MAOA: variants seen among roughly 807,000 people sequenced by gnomAD.
MAOA encodes monoamine oxidase A.
Under a neutral mutation model 42.0 loss-of-function variants are expected in MAOA, and 6 were observed. The ratio of observed to expected loss-of-function variants is 0.14; its 90% CI spans 0.08 to 0.28. The LOEUF (loss-of-function observed/expected upper bound fraction) is 0.28. Among genes scored for constraint, MAOA ranks in the 10% least tolerant of loss-of-function variants. MAOA has a pLI of 1.00. For missense variants in MAOA, 262 were observed against 422.3 expected (o/e 0.62, Z 3.33); for synonymous variants, 140 against 154.0 (o/e 0.91, Z 0.67).
At chrX:43,674,870 G>T (rs1452921678) in intron 1 of MAOA, among the ~76,000 whole-genome samples, 32 of 110,284 alleles carry the variant, frequency 2.9e-4, no homozygotes, top group African/African-American at 1.1e-3. Context: ...CTCTCTGGCT[G>T]CCCTTAACAT....
intron 5 of MAOA, among the ~76,000 whole-genome samples, chrX:43,722,429 T>A (rs189354802): frequency 8.8e-4 from 99 of 112,797 alleles, no homozygotes; most frequent in Admixed American, 2.6e-3. Context: ...TTTGCATTTC[T>A]CTAATGACCA....
intron 3 of MAOA, among the ~76,000 whole-genome samples, chrX:43,698,204 G>A (rs1179231132): frequency 1.8e-5 from 2 of 112,339 alleles, no homozygotes; most frequent in African/African-American, 6.5e-5. Context: ...AAACCTTAAA[G>A]AATGTTTAAA....
At chrX:43,693,466 G>A in intron 3 of MAOA, 38 bp downstream of exon 3, 3 of 1,189,551 alleles carry the variant, frequency 2.5e-6, no homozygotes, top group South Asian at 3.6e-5. Flanking sequence ...TGATAGGGAA[G>A]CATTTTATTT....
intron 3 of MAOA, among the ~76,000 whole-genome samples, chrX:43,702,360 G>A (rs1246399286): frequency 1.8e-5 from 2 of 111,950 alleles, no homozygotes; most frequent in Admixed American, 9.5e-5. Context: ...TAATGAGAGT[G>A]GTTCAAGGTC....
At chrX:43,694,281 G>C (rs3027395) in intron 3 of MAOA, among the ~76,000 whole-genome samples, 382 of 111,294 alleles carry the variant, frequency 3.4e-3, no homozygotes, top group African/African-American at 0.012. Flanking sequence ...ACTCCACCTC[G>C]GGCAATAACT....
At chrX:43,680,538 C>T (rs2033434672) in intron 1 of MAOA, among the ~76,000 whole-genome samples, 1 of 110,618 alleles carries the variant, frequency 9.0e-6, no homozygotes, top group African/African-American at 3.3e-5. Flanking sequence ...TTCCTTCTCC[C>T]CTCTCCTCCC....
At chrX:43,667,009 G>A (rs199916192) in intron 1 of MAOA, among the ~76,000 whole-genome samples, 12 of 97,656 alleles carry the variant, frequency 1.2e-4, no homozygotes, top group Middle Eastern at 5.0e-3. Flanking sequence ...GGGGGGCGGG[G>A]GGGATAGCAT....
At chrX:43,734,151 T>G (rs2033903315) in intron 9 of MAOA, among the ~76,000 whole-genome samples, 1 of 100,263 alleles carries the variant, frequency 1.0e-5, no homozygotes, top group African/African-American at 4.1e-5. Context: ...TTTTTTTTTT[T>G]GGAAGTGGAA....
At chrX:43,727,554 C>T (rs191141498) in intron 5 of MAOA, among the ~76,000 whole-genome samples, 149 of 112,851 alleles carry the variant, frequency 1.3e-3, no homozygotes, top group African/African-American at 4.7e-3. Context: ...GGCTGCTGTG[C>T]TAGCAGCGAG....
At chrX:43,691,969 T>C (rs1360091556) in intron 2 of MAOA, among the ~76,000 whole-genome samples, 1 of 102,860 alleles carries the variant, frequency 9.7e-6, no homozygotes, top group Admixed American at 1.1e-4. Flanking sequence ...TATAACAAAA[T>C]ACAAAGAGAC....
chrX:43,671,514 G>T (rs1446347368), intron 1 of MAOA, among the ~76,000 whole-genome samples: 58 of 110,324 alleles, frequency 5.3e-4, no homozygotes, highest in Admixed American at 3.0e-3. Flanking sequence ...TGAAGTCCTT[G>T]TCCATGCCTA....
chrX:43,705,818 CA>C (rs1188251732), intron 3 of MAOA, among the ~76,000 whole-genome samples: 4 of 110,357 alleles, frequency 3.6e-5, no homozygotes, highest in African/African-American at 1.3e-4. Context: ...GATACTTTGC[CA>C]AAAAAAAGAT....
chrX:43,735,741 C>T (rs1339233186), intron 9 of MAOA, among the ~76,000 whole-genome samples: 1 of 112,879 alleles, frequency 8.9e-6, no homozygotes, highest in African/African-American at 3.2e-5. Context: ...GCGAGGCATT[C>T]TCTGCTGCCC....
At chrX:43,683,361 A>G in intron 1 of MAOA, 152 bp from the exon 2 acceptor site, 1 of 475,246 alleles carries the variant, frequency 2.1e-6, no homozygotes, top group South Asian at 3.0e-5. Flanking sequence ...TTGGTGGCTC[A>G]CTTAATCACA....
intron 2 of MAOA, among the ~76,000 whole-genome samples, chrX:43,692,224 T>A (rs369123521): frequency 9.0e-6 from 1 of 110,580 alleles, no homozygotes; most frequent in East Asian, 2.8e-4. Flanking sequence ...GGGTGACAGG[T>A]CAAGTCCAGA....
chrX:43,715,663 C>T (rs1159722033), intron 5 of MAOA, among the ~76,000 whole-genome samples: 2 of 110,111 alleles, frequency 1.8e-5, no homozygotes, highest in East Asian at 2.9e-4. Context: ...AAACATGGTA[C>T]ATTGTGTTTA....
intron 1 of MAOA, among the ~76,000 whole-genome samples, chrX:43,663,134 TA>T (rs1030527703): frequency 9.0e-6 from 1 of 111,412 alleles, no homozygotes; most frequent in Non-Finnish European, 1.9e-5. Context: ...TCCGTCTCTT[TA>T]GCTTTCTTTC....
intron 5 of MAOA, among the ~76,000 whole-genome samples, chrX:43,721,487 C>T (rs1244357918): frequency 1.8e-5 from 2 of 110,534 alleles, no homozygotes; most frequent in Non-Finnish European, 3.8e-5. Flanking sequence ...TTTAAAAGCC[C>T]TCATTGGCTA....
intron 10 of MAOA, among the ~76,000 whole-genome samples, chrX:43,737,516 A>G (rs373059078): frequency 5.4e-5 from 6 of 111,991 alleles, no homozygotes; most frequent in African/African-American, 2.0e-4. Flanking sequence ...GCACTTTCTC[A>G]TGGTGCCCTC....
Sources: allele counts gnomAD v4.1 joint callset (sites outside exome capture counted in the v4.1 genomes callset), GRCh38; gene constraint gnomAD v4.1.1; transcripts MANE v1.5; gene names NCBI Gene and HGNC (gene_info 2026-07-23, HGNC 2026-07-21).